The following CNTNAP5 variants were observed in gnomAD, a reference collection of about 807,000 sequenced individuals.
CNTNAP5 encodes contactin associated protein family member 5.
A neutral mutation model predicts 150.2 loss-of-function variants in CNTNAP5; 72 were observed. That is an observed-to-expected ratio of 0.48 (90% CI 0.40 to 0.58). CNTNAP5 has a LOEUF of 0.58. Ranked by LOEUF, CNTNAP5 falls within the 20% of genes least tolerant of loss-of-function variation. The pLI, the probability that CNTNAP5 is intolerant of heterozygous loss-of-function variation, is 0.00. For missense variants in CNTNAP5, 1,636 were observed against 1,626.2 expected (o/e 1.01, Z -0.10); for synonymous variants, 672 against 619.8 (o/e 1.08, Z -1.25).
chr2:124,221,871 A>T, intron 2 of CNTNAP5, 62 bp downstream of exon 2: 1 of 1,053,804 alleles, frequency 9.5e-7, no homozygotes. Context: ...GGGTAGGTGA[A>T]GGAGAGTGAG....
chr2:124,676,452 A>AT, intron 13 of CNTNAP5, among the ~76,000 whole-genome samples: 1 of 152,172 alleles, frequency 6.6e-6, no homozygotes, highest in Non-Finnish European at 1.5e-5. Context: ...CTTATTCCCA[A>AT]TTGGCATCAC....
chr2:124,548,607 T>C (rs1695566420), intron 10 of CNTNAP5, among the ~76,000 whole-genome samples: 1 of 150,434 alleles, frequency 6.6e-6, no homozygotes, highest in South Asian at 2.1e-4. Context: ...GCAAACCAAA[T>C]CTCTCTCTCC....
intron 19 of CNTNAP5, among the ~76,000 whole-genome samples, chr2:124,840,687 A>G (rs556756089): frequency 2.8e-4 from 42 of 152,204 alleles, no homozygotes; most frequent in Non-Finnish European, 4.7e-4. Context: ...TGTCTTGACA[A>G]CTTAACGTTG....
Position 124,504,498 on chromosome 2 carries a change from T to TCG in CNTNAP5, c.1269_1270insCG (p.Gly424ArgfsTer4). ...GAACCCTGCTGCTGAGCCTGGAGGG[T>TCG]GGAATCCTGAGACTCGTGATTCAGA... On this transcript the variant is annotated frameshift_variant, in exon 8 of 24. Transcript: ENST00000682447. LOFTEE classifies it high-confidence loss of function. 1 of 1,613,484 alleles carries TCG rather than the reference T, an allele frequency of 6.2e-7. No homozygotes were observed. Among genetic ancestry groups the TCG allele is most frequent in the Non-Finnish European group, 8.5e-7 (1 of 1,179,758 alleles).
intron 13 of CNTNAP5, among the ~76,000 whole-genome samples, chr2:124,701,216 G>C (rs146220654): frequency 6.6e-6 from 1 of 151,886 alleles, no homozygotes; most frequent in Non-Finnish European, 1.5e-5. Context: ...TGTTGTTCTC[G>C]ATCTCTGTAT....
intron 1 of CNTNAP5, among the ~76,000 whole-genome samples, chr2:124,179,841 C>T (rs13033123): frequency 6.6e-6 from 1 of 152,100 alleles, no homozygotes; most frequent in African/African-American, 2.4e-5. Context: ...CAATTCTTGG[C>T]CCCCATGCCA....
At chr2:124,388,351 T>G (rs1483706345) in intron 3 of CNTNAP5, among the ~76,000 whole-genome samples, 4 of 152,154 alleles carry the variant, frequency 2.6e-5, no homozygotes, top group Non-Finnish European at 4.4e-5. Context: ...AACCCTGTGT[T>G]GCAAAGCACT....
chr2:124,194,397 ATATATATATATAT>A (rs1383765917), intron 1 of CNTNAP5, among the ~76,000 whole-genome samples: 8 of 49,650 alleles, frequency 1.6e-4, no homozygotes, highest in Admixed American at 7.0e-4. Flanking sequence ...ATATATATAT[ATATATATATATAT>A]AAATATAAAT....
chr2:124,670,007 A>T (rs1678777135), intron 13 of CNTNAP5, among the ~76,000 whole-genome samples: 1 of 151,856 alleles, frequency 6.6e-6, no homozygotes, highest in South Asian at 2.1e-4. Context: ...GTCCATCCCC[A>T]TCCCCATTTC....
At chr2:124,859,712 T>C (rs1485281833) in intron 19 of CNTNAP5, among the ~76,000 whole-genome samples, 1 of 152,116 alleles carries the variant, frequency 6.6e-6, no homozygotes, top group Non-Finnish European at 1.5e-5. Flanking sequence ...ATATACACCA[T>C]GGAATACTAT....
At chr2:124,809,817 G>A (rs1351703280) in intron 19 of CNTNAP5, among the ~76,000 whole-genome samples, 3 of 152,142 alleles carry the variant, frequency 2.0e-5, no homozygotes. Context: ...GGAGGTGTTA[G>A]CAAAGATATA....
intron 3 of CNTNAP5, among the ~76,000 whole-genome samples, chr2:124,414,432 C>T (rs1329421300): frequency 6.6e-6 from 1 of 152,078 alleles, no homozygotes; most frequent in African/African-American, 2.4e-5. Flanking sequence ...TGAAAACTTC[C>T]AGATCTCAGA....
rs1436003938 is a variant in CNTNAP5 at position 124,025,416 on chromosome 2, C to G, written c.-235C>G. The G allele has an allele frequency of 1.2e-5, 7 of 567,782 alleles. No individual in the cohort carries two copies. Among genetic ancestry groups the G allele is most frequent in the Non-Finnish European group, 1.9e-5 (6 of 316,402 alleles). The allele number at this position is 567,782 out of a possible 1,614,324, so 35.2% of individuals were successfully genotyped here. A position where few individuals can be genotyped will look rare whatever the true frequency, so the allele number is the denominator to read the frequency against. ...AGAAGGAAGAGGCGGGCGAGGAAGG[C>G]GAGTCCAGCTAGCGGCTGTTGCGGG... On this transcript the variant is annotated 5_prime_UTR_variant, in exon 1 of 24. Transcript: ENST00000682447.
intron 14 of CNTNAP5, among the ~76,000 whole-genome samples, chr2:124,750,939 G>A (rs1196909688): frequency 3.5e-5 from 5 of 140,908 alleles, no homozygotes; most frequent in African/African-American, 8.0e-5. Flanking sequence ...AGCCGAGATC[G>A]CGCCACTGCA....
chr2:124,440,040 T>C (rs1169736667), intron 5 of CNTNAP5, among the ~76,000 whole-genome samples: 1 of 152,178 alleles, frequency 6.6e-6, no homozygotes, highest in Non-Finnish European at 1.5e-5. Context: ...GTTTTAGCTT[T>C]GGAGTCAAAT....
At chr2:124,534,998 C>T (rs1368523157) in intron 10 of CNTNAP5, among the ~76,000 whole-genome samples, 1 of 152,182 alleles carries the variant, frequency 6.6e-6, no homozygotes, top group East Asian at 1.9e-4. Context: ...GTTCAGTGTA[C>T]GTTGTTCTGG....
At chr2:124,122,782 ACACACACACACC>A (rs1013108802) in intron 1 of CNTNAP5, among the ~76,000 whole-genome samples, 1 of 151,104 alleles carries the variant, frequency 6.6e-6, no homozygotes, top group African/African-American at 2.4e-5. Flanking sequence ...ACACACACAC[ACACACACACACC>A]CACACCTTTT....
At chr2:124,733,648 G>C (rs1388000899) in intron 13 of CNTNAP5, among the ~76,000 whole-genome samples, 2 of 152,114 alleles carry the variant, frequency 1.3e-5, no homozygotes, top group African/African-American at 2.4e-5. Flanking sequence ...AGGGAGTAGA[G>C]GTATTGAAGA....
intron 14 of CNTNAP5, among the ~76,000 whole-genome samples, chr2:124,762,819 A>G (rs1680986305): frequency 6.6e-6 from 1 of 152,068 alleles, no homozygotes; most frequent in Non-Finnish European, 1.5e-5. Flanking sequence ...CAGCTATCTA[A>G]TATCTCTGAG....
Sources: gnomAD v4.1 joint callset for allele counts (sites outside exome capture counted in the v4.1 genomes callset) on GRCh38, gnomAD v4.1.1 for gene constraint, MANE v1.5 for transcripts, NCBI Gene and HGNC (gene_info 2026-07-23, HGNC 2026-07-21) for gene names.